Variants in COL6A6 observed in about 807,000 individuals in gnomAD.
COL6A6 encodes the protein collagen type VI alpha 6 chain.
In COL6A6, 183 loss-of-function variants were observed where a neutral mutation model predicts 208.6. The observed-to-expected ratio is 0.88, with a 90% CI of 0.78 to 0.99. The LOEUF (loss-of-function observed/expected upper bound fraction) is 0.99, where lower values mean the gene tolerates loss of function less well. Ranked by LOEUF, COL6A6 falls within the 50% of genes least tolerant of loss-of-function variation. The pLI is 0.00. For synonymous variants in COL6A6, 973 were observed against 1,011.8 expected, an observed-to-expected ratio of 0.96 and a Z score of 0.73; for missense variants, 2,816 against 2,815.2, an observed-to-expected ratio of 1.00 and a Z score of -0.01.
intron 1 of COL6A6, among the ~76,000 whole-genome samples, chr3:130,555,399 C>T (rs544967375): frequency 6.6e-6 from 1 of 152,296 alleles, no homozygotes; most frequent in African/African-American, 2.4e-5. Flanking sequence ...CTCCCTCTGT[C>T]CATTCTCAAT....
In COL6A6 at chr3:130,591,195, A is replaced by G. The variant is rs1476488220; in HGVS notation, c.4272+101A>G. The G allele has an allele frequency of 3.5e-6, 3 of 867,074 alleles. No individual in the cohort carries two copies. In the East Asian group the frequency reaches 7.9e-5, roughly 23 times the overall value. The allele number at this position is 867,074 out of a possible 1,614,324, so 53.7% of individuals were successfully genotyped here. On this transcript the variant is annotated intron_variant, in intron 13 of 36. Coordinates refer to ENST00000358511, the MANE Select transcript of COL6A6 (RefSeq NM_001102608.3). ...GGGGAAGCAAGAAAGGTGAGATTCT[A>G]AGGATTCGTGTACAGAATCTCAGAT...
chr3:130,589,186 A>AT lies in COL6A6; in HGVS notation c.4218+8dup, dbSNP rs1309837361. The AT allele has an allele frequency of 6.2e-7, 1 of 1,607,510 alleles. No individual in the cohort carries two copies. The highest frequency in any genetic ancestry group is 8.5e-7 in the Non-Finnish European group (1 of 1,174,026). On this transcript the variant is annotated splice_donor_region_variant and intron_variant, in intron 12 of 36. Transcript: ENST00000358511. The stretch of plus-strand genomic sequence containing the variant: ...TCCTGGACCACCAGGGAAAAGGGTG[A>AT]TTTTAGCTCAGATTTATGGGTTACT...
chr3:130,573,641 A>T (rs545367846), intron 7 of COL6A6, among the ~76,000 whole-genome samples: 83 of 143,320 alleles, frequency 5.8e-4, no homozygotes, highest in Non-Finnish European at 8.6e-4. Flanking sequence ...ATCTCGGCTC[A>T]CTACAAGCTC....
chr3:130,538,135 C>T (rs2062268344), intron 1 of COL6A6, among the ~76,000 whole-genome samples: 1 of 152,230 alleles, frequency 6.6e-6, no homozygotes, highest in African/African-American at 2.4e-5. Context: ...GGACTCAGAT[C>T]AGCAGGACTG....
chr3:130,556,879 A>G (rs2062778782), intron 1 of COL6A6, among the ~76,000 whole-genome samples: 1 of 152,176 alleles, frequency 6.6e-6, no homozygotes, highest in South Asian at 2.1e-4. Context: ...AGGGCCTGCC[A>G]TAGGTGGTCA....
intron 8 of COL6A6, among the ~76,000 whole-genome samples, chr3:130,580,859 C>T (rs1209145583): frequency 1.3e-5 from 2 of 152,206 alleles, no homozygotes; most frequent in Non-Finnish European, 2.9e-5. Context: ...CTCAAAATGG[C>T]AGTGTCCGTG....
intron 6 of COL6A6, 37 bp from the exon 7 acceptor site, chr3:130,570,781 T>C: frequency 1.3e-6 from 2 of 1,530,482 alleles, no homozygotes; most frequent in African/African-American, 1.4e-5. Context: ...TGTCCAAAGC[T>C]AATCTCATAT....
Position 130,625,693 on chromosome 3 carries a change from GAT to G in COL6A6, c.4879-791_4879-790del, listed in dbSNP as rs140836109. On this transcript the variant is annotated intron_variant, in intron 24 of 36. Coordinates refer to ENST00000358511, the MANE Select transcript of COL6A6 (RefSeq NM_001102608.3). ...GGAGCCTACGGAGACATACCATGTG[GAT>G]CCTGGATGGGATCCTGGAACAGGAA... Among the ~76,000 whole-genome samples the G allele has an allele frequency of 3.7e-3, 565 of 152,294 alleles. 5 individuals carry two copies. The highest frequency in any genetic ancestry group is 0.013 in the African/African-American group (540 of 41,572).
intron 10 of COL6A6, 58 bp from the exon 11 acceptor site, chr3:130,586,448 A>C: frequency 2.0e-6 from 3 of 1,507,808 alleles, no homozygotes; most frequent in Non-Finnish European, 2.7e-6. Flanking sequence ...ATATGCTTGC[A>C]AAAAACTAAA....
intron 1 of COL6A6, among the ~76,000 whole-genome samples, chr3:130,543,670 C>A (rs1476786578): frequency 1.3e-5 from 2 of 152,150 alleles, no homozygotes; most frequent in African/African-American, 4.8e-5. Context: ...ACATTGCTGT[C>A]ATTCATTTCA....
intron 12 of COL6A6, among the ~76,000 whole-genome samples, chr3:130,590,299 ATTTTTTTTTTTTTTTTTTTTT>A (rs71133610): frequency 0.012 from 108 of 9,150 alleles, no homozygotes; most frequent in Admixed American, 0.034. Flanking sequence ...ATATATATAT[ATTTTTTTTTTTTTTTTTTTTT>A]TTTTTTTTTA....
intron 6 of COL6A6, 45 bp from the exon 7 acceptor site, chr3:130,570,773 T>C (rs10934949): frequency 0.95 from 1,416,203 of 1,485,208 alleles, 681,739 homozygotes; most frequent in Non-Finnish European, 0.98. Context: ...TCCCATGCTG[T>C]CCAAAGCTAA....
chr3:130,531,271 A>C, intron 1 of COL6A6, among the ~76,000 whole-genome samples: 1 of 148,820 alleles, frequency 6.7e-6, no homozygotes, highest in East Asian at 1.9e-4. Context: ...GATGTTTAGC[A>C]GCATCTAACA....
At chr3:130,521,752 AC>A (rs1353986101) in intron 1 of COL6A6, among the ~76,000 whole-genome samples, 1 of 152,132 alleles carries the variant, frequency 6.6e-6, no homozygotes, top group Non-Finnish European at 1.5e-5. Context: ...GGAAGTAAAC[AC>A]CCCTGGAGCA....
At chr3:130,634,727 G>T in intron 27 of COL6A6, 102 bp downstream of exon 27, 1 of 821,022 alleles carries the variant, frequency 1.2e-6, no homozygotes, top group East Asian at 2.8e-5. Flanking sequence ...ATAAATAAAT[G>T]TCCTACCTTT....
intron 1 of COL6A6, among the ~76,000 whole-genome samples, chr3:130,541,927 G>A (rs2062372811): frequency 6.6e-6 from 1 of 152,188 alleles, no homozygotes; most frequent in Admixed American, 6.5e-5. Context: ...TTTCATCTGA[G>A]TTATCAAATC....
In COL6A6 at chr3:130,574,269, G is replaced by C; in HGVS notation, c.3291G>C (p.Arg1097Ser). 1.9e-6 allele frequency: 3 copies of C among 1,613,996 alleles called. No homozygotes were observed. The highest frequency in any genetic ancestry group is 1.7e-6 in the Non-Finnish European group (2 of 1,179,900). ...ACTTCAGGCCAGACATGGGCAGCAG[G>C]ATAAATACAGGTACCCCACAGGTGC... ...EHYFRPDMGSRINTGTPQVLL... is the reference protein window; with the variant it reads ...EHYFRPDMGSSINTGTPQVLL... The change falls in exon 8 of 37, where the codon AGG (arginine) becomes AGC (serine). Residue 1097 changes from arginine (R) to serine (S), a missense_variant. Transcript: ENST00000358511.
chr3:130,584,415 C>G (rs1216811185), intron 10 of COL6A6, among the ~76,000 whole-genome samples: 1 of 151,948 alleles, frequency 6.6e-6, no homozygotes, highest in African/African-American at 2.4e-5. Flanking sequence ...CATTTCATAT[C>G]CCAGCCCACT....
At chr3:130,549,429 A>G (rs554099651) in intron 1 of COL6A6, among the ~76,000 whole-genome samples, 21 of 152,298 alleles carry the variant, frequency 1.4e-4, no homozygotes, top group African/African-American at 5.1e-4. Context: ...TTTTGTTGCA[A>G]TTGCTTTTCA....
Sources: allele counts gnomAD v4.1 joint callset (sites outside exome capture counted in the v4.1 genomes callset), GRCh38; gene constraint gnomAD v4.1.1; transcripts MANE v1.5; gene names NCBI Gene and HGNC (gene_info 2026-07-23, HGNC 2026-07-21).